The following FGGY variants were observed in gnomAD, a reference collection of about 807,000 sequenced individuals.
FGGY encodes FGGY carbohydrate kinase domain containing, also known as FGGY carbohydrate kinase domain-containing protein.
Under a neutral mutation model 71.3 loss-of-function variants are expected in FGGY, and 72 were observed. The ratio of observed to expected loss-of-function variants is 1.01; its 90% CI spans 0.84 to 1.23. The LOEUF (loss-of-function observed/expected upper bound fraction) is 1.23, where lower values mean the gene tolerates loss of function less well. Ranked by LOEUF, FGGY falls within the 50% of genes most tolerant of loss-of-function variation. The pLI is 0.00. For missense variants in FGGY, 668 were observed against 682.3 expected (o/e 0.98, Z 0.23); for synonymous variants, 251 against 250.3 (o/e 1.00, Z -0.02).
At chr1:59,719,410 G>A (rs1296701181) in intron 14 of FGGY, among the ~76,000 whole-genome samples, 2 of 151,944 alleles carry the variant, frequency 1.3e-5, no homozygotes, top group African/African-American at 4.8e-5. Context: ...CTCAACCTCG[G>A]TTTCTCATTT....
At position 59,491,422 on chromosome 1, in the gene FGGY, T is replaced by A. The variant is rs149143562; in HGVS notation, c.671-20889T>A. 2.7e-3 allele frequency among the ~76,000 whole-genome samples: 406 copies of A among 152,074 alleles called. 1 individual carries two copies. The highest frequency in any genetic ancestry group is 3.9e-3 in the Non-Finnish European group (265 of 67,960). ...TCATTTGTGGTTTTCCTTGTAGAGA[T>A]CTTTACTACCTTGGTTACATTATTG... On this transcript the variant is annotated intron_variant, in intron 6 of 15. Transcript: ENST00000303721.
At chr1:59,745,141 G>A (rs2098184688) in intron 14 of FGGY, among the ~76,000 whole-genome samples, 1 of 152,104 alleles carries the variant, frequency 6.6e-6, no homozygotes, top group Non-Finnish European at 1.5e-5. Flanking sequence ...TTTTTCCTCT[G>A]GAAGTTGGTT....
chr1:59,614,629 G>A (rs190413408), intron 9 of FGGY, among the ~76,000 whole-genome samples: 167 of 152,242 alleles, frequency 1.1e-3, no homozygotes, highest in African/African-American at 3.9e-3. Flanking sequence ...ATTCAACATA[G>A]TGTTGGAAGT....
At chr1:59,358,676 G>A (rs987615092) in intron 4 of FGGY, among the ~76,000 whole-genome samples, 1 of 152,094 alleles carries the variant, frequency 6.6e-6, no homozygotes, top group South Asian at 2.1e-4. Flanking sequence ...GGAATAAGTT[G>A]GGAGATTGTT....
At chr1:59,543,703 C>T (rs2095480055) in intron 7 of FGGY, among the ~76,000 whole-genome samples, 1 of 152,026 alleles carries the variant, frequency 6.6e-6, no homozygotes. Context: ...CCTTAAATTT[C>T]AGGCTTTTTT....
rs530655957 is a variant in FGGY at position 59,324,711 on chromosome 1, A to G, written c.201+2961A>G. On this transcript the variant is annotated intron_variant, in intron 2 of 15. Transcript: ENST00000303721. ...AGGGGACGCTGTCCCTGCCACTGCT[A>G]CTGCTCTCATGCTCTGTCCCTTGTC... Among the ~76,000 whole-genome samples, 3 of 152,304 alleles carry G rather than the reference A, an allele frequency of 2.0e-5. No individual in the cohort carries two copies. The South Asian group carries it at 6.2e-4, about 32-fold the overall frequency.
At chr1:59,478,564 A>G (rs1028888213) in intron 6 of FGGY, among the ~76,000 whole-genome samples, 12 of 152,250 alleles carry the variant, frequency 7.9e-5, no homozygotes, top group South Asian at 2.1e-4. Context: ...ATAAGTAAGC[A>G]TTAGAGATAC....
chr1:59,699,123 T>A, intron 14 of FGGY: 2 of 985,394 alleles, frequency 2.0e-6, no homozygotes, highest in South Asian at 9.4e-5. Flanking sequence ...AAACCAATCT[T>A]GATTATAAAA....
In FGGY at chr1:59,757,996, A is replaced by G. The variant is rs772253599; in HGVS notation, c.1574+4A>G. ...TCCCGAGACTACAGGATAAAAAGTA[A>G]GTGTGTATTTTTTATATGTACAGTG... On this transcript the variant is annotated splice_donor_region_variant and intron_variant, in intron 15 of 15. Transcript: ENST00000303721. The G allele has an allele frequency of 3.1e-6, 5 of 1,609,428 alleles. No individual in the cohort carries two copies. Among genetic ancestry groups the G allele is most frequent in the Non-Finnish European group, 4.3e-6 (5 of 1,176,360 alleles).
intron 1 of FGGY, chr1:59,318,525 T>C (rs2045852586): frequency 6.6e-6 from 1 of 152,270 alleles, no homozygotes; most frequent in Admixed American, 6.5e-5. Flanking sequence ...TGGGTTTTAC[T>C]GGAAAGGAAT....
intron 7 of FGGY, among the ~76,000 whole-genome samples, chr1:59,533,471 G>T (rs193046816): frequency 0.013 from 2,018 of 152,294 alleles, 41 homozygotes; most frequent in African/African-American, 0.043. Flanking sequence ...CAAAGCAGCC[G>T]GGAAGCTCGA....
intron 5 of FGGY, among the ~76,000 whole-genome samples, chr1:59,428,361 A>G (rs2066748011): frequency 6.6e-6 from 1 of 152,202 alleles, no homozygotes; most frequent in Non-Finnish European, 1.5e-5. Flanking sequence ...CTCAGCTAAT[A>G]GGTGATGGAG....
intron 5 of FGGY, among the ~76,000 whole-genome samples, chr1:59,408,463 A>G (rs767707399): frequency 6.6e-6 from 1 of 152,202 alleles, no homozygotes; most frequent in Non-Finnish European, 1.5e-5. Flanking sequence ...CTTAAAAAAC[A>G]TAACAGCATT....
chr1:59,627,173 GAAAAGAA>G (rs2096864949), intron 10 of FGGY, among the ~76,000 whole-genome samples: 1 of 151,326 alleles, frequency 6.6e-6, no homozygotes, highest in Non-Finnish European at 1.5e-5. Context: ...GAAAAGAAAG[GAAAAGAA>G]AAAAGAAAAG....
chr1:59,696,887 T>C (rs1479077603), intron 14 of FGGY, among the ~76,000 whole-genome samples: 1 of 152,062 alleles, frequency 6.6e-6, no homozygotes. Context: ...ATGAGGAAGT[T>C]GAGACCCAGA....
Position 59,478,742 on chromosome 1 carries a change from A to G in FGGY, c.670+21666A>G, listed in dbSNP as rs142490760. On this transcript the variant is annotated intron_variant, in intron 6 of 15. Coordinates refer to ENST00000303721, the MANE Select transcript of FGGY (RefSeq NM_018291.5). ...ATAAGTGTAGATGATATTTGAAGCC[A>G]TAGATATGTGTGAGAGACTCTAGAG... Among the ~76,000 whole-genome samples the G allele has an allele frequency of 4.2e-3, 642 of 152,254 alleles. 2 individuals carry two copies. Among genetic ancestry groups the G allele is most frequent in the Middle Eastern group, 6.8e-3 (2 of 294 alleles).
chr1:59,608,650 T>C (rs1413188305), intron 9 of FGGY, among the ~76,000 whole-genome samples: 1 of 152,120 alleles, frequency 6.6e-6, no homozygotes, highest in African/African-American at 2.4e-5. Context: ...CTGACCAACA[T>C]GGTGAAACCT....
At chr1:59,336,581 C>T (rs2049575392) in intron 2 of FGGY, among the ~76,000 whole-genome samples, 1 of 150,284 alleles carries the variant, frequency 6.7e-6, no homozygotes, top group African/African-American at 2.5e-5. Context: ...CACCCATCAA[C>T]CCATCATCTA....
intron 4 of FGGY, among the ~76,000 whole-genome samples, chr1:59,372,506 C>G (rs2057855949): frequency 6.6e-6 from 1 of 152,170 alleles, no homozygotes; most frequent in African/African-American, 2.4e-5. Context: ...ACCATTCCTT[C>G]TGAAACTATT....
Sources: allele counts gnomAD v4.1 joint callset (sites outside exome capture counted in the v4.1 genomes callset), GRCh38; gene constraint gnomAD v4.1.1; transcripts MANE v1.5; gene names NCBI Gene and HGNC (gene_info 2026-07-23, HGNC 2026-07-21).